The following TMEM117 variants were observed in gnomAD, a reference collection of about 807,000 sequenced individuals.
TMEM117 encodes transmembrane protein 117.
TMEM117 carries 27 observed loss-of-function variants against 52.4 expected under a neutral mutation model. That is an observed-to-expected ratio of 0.51 (90% CI 0.38 to 0.71). The LOEUF is 0.71. Among genes scored for constraint, TMEM117 ranks in the 30% least tolerant of loss-of-function variants. The probability of loss-of-function intolerance (pLI) is 0.00; values close to 1 mark genes in which losing one functional copy is unlikely to be tolerated. For synonymous variants in TMEM117, 215 were observed against 206.3 expected, an observed-to-expected ratio of 1.04 and a Z score of -0.36; for missense variants, 556 against 630.5, an observed-to-expected ratio of 0.88 and a Z score of 1.26.
intron 3 of TMEM117, among the ~76,000 whole-genome samples, chr12:44,034,584 A>C (rs1946682777): frequency 6.6e-6 from 1 of 152,238 alleles, no homozygotes; most frequent in Admixed American, 6.5e-5. Context: ...TTTAGATTGC[A>C]GTCTTGAATT....
intron 4 of TMEM117, among the ~76,000 whole-genome samples, chr12:44,145,781 C>A (rs554729984): frequency 3.3e-5 from 5 of 152,160 alleles, no homozygotes; most frequent in Admixed American, 3.3e-4. Flanking sequence ...TGGTACATTG[C>A]TTCCTGACTT....
intron 3 of TMEM117, among the ~76,000 whole-genome samples, chr12:44,136,603 T>C (rs1948494318): frequency 1.3e-5 from 2 of 152,172 alleles, no homozygotes; most frequent in South Asian, 4.1e-4. Flanking sequence ...TGTGTTTTAC[T>C]GTGTAGCTCT....
intron 2 of TMEM117, among the ~76,000 whole-genome samples, chr12:43,916,323 T>A (rs914446253): frequency 6.6e-6 from 1 of 152,180 alleles, no homozygotes; most frequent in Non-Finnish European, 1.5e-5. Flanking sequence ...TTAGAAAATG[T>A]AGCAAAGTTC....
intron 3 of TMEM117, among the ~76,000 whole-genome samples, chr12:44,040,978 A>T (rs549597281): frequency 6.6e-6 from 1 of 152,330 alleles, no homozygotes. Flanking sequence ...TGACAGAAGT[A>T]AATGGCAATG....
the TMEM117 span, chr12:43,806,036 G>A: frequency 2.6e-6 from 4 of 1,520,544 alleles, no homozygotes; most frequent in Middle Eastern, 1.8e-4. Context: ...CCGGGCTGGA[G>A]GAGGACGCAG....
chr12:44,286,783 G>A (rs192526182), intron 5 of TMEM117, among the ~76,000 whole-genome samples: 100 of 152,166 alleles, frequency 6.6e-4, no homozygotes, highest in African/African-American at 2.3e-3. Flanking sequence ...CAATTGAGTA[G>A]GCTCTAAAAT....
At chr12:43,930,642 G>A (rs1944856548) in intron 2 of TMEM117, among the ~76,000 whole-genome samples, 1 of 152,148 alleles carries the variant, frequency 6.6e-6, no homozygotes, top group Non-Finnish European at 1.5e-5. Flanking sequence ...AAATACACTT[G>A]CTAGGTACAC....
intron 2 of TMEM117, among the ~76,000 whole-genome samples, chr12:43,861,365 C>T (rs1295349682): frequency 6.6e-6 from 1 of 152,094 alleles, no homozygotes; most frequent in African/African-American, 2.4e-5. Context: ...CTGTTATAAC[C>T]CCAGCCATGA....
At chr12:43,921,689 A>G (rs10748380) in intron 2 of TMEM117, among the ~76,000 whole-genome samples, 26,256 of 152,020 alleles carry the variant, frequency 0.17, 3,469 homozygotes, top group African/African-American at 0.36. Flanking sequence ...TTTTAATGCT[A>G]TTTACCTTTT....
intron 4 of TMEM117, among the ~76,000 whole-genome samples, chr12:44,193,785 G>A (rs1949385160): frequency 1.3e-5 from 2 of 152,220 alleles, no homozygotes; most frequent in Admixed American, 1.3e-4. Flanking sequence ...ATTTATTTTG[G>A]AGAGATCCCA....
chr12:43,879,829 G>C (rs201673855), intron 2 of TMEM117, among the ~76,000 whole-genome samples: 3 of 152,230 alleles, frequency 2.0e-5, no homozygotes, highest in South Asian at 4.1e-4. Context: ...GAGTGTACTC[G>C]TAGAAAGAGC....
intron 6 of TMEM117, among the ~76,000 whole-genome samples, chr12:44,326,186 T>C (rs951151026): frequency 1.2e-4 from 18 of 151,006 alleles, no homozygotes; most frequent in Admixed American, 2.6e-4. Flanking sequence ...TTTTTGTTTT[T>C]GTTTTTTGTT....
At chr12:44,003,285 G>A (rs1298114563) in intron 3 of TMEM117, among the ~76,000 whole-genome samples, 1 of 152,202 alleles carries the variant, frequency 6.6e-6, no homozygotes, top group African/African-American at 2.4e-5. Context: ...ATGGGTAGAA[G>A]CCATGTCATT....
chr12:43,970,215 C>T (rs1339820115), intron 3 of TMEM117, among the ~76,000 whole-genome samples: 1 of 152,126 alleles, frequency 6.6e-6, no homozygotes, highest in African/African-American at 2.4e-5. Context: ...TATTTTACTT[C>T]ATAATGACCT....
At chr12:44,304,779 G>A (rs1364432221) in intron 6 of TMEM117, among the ~76,000 whole-genome samples, 2 of 152,196 alleles carry the variant, frequency 1.3e-5, no homozygotes, top group Non-Finnish European at 1.5e-5. Context: ...ATTGTCTAAA[G>A]GGCCCTTGGG....
At chr12:44,221,919 G>A (rs568651368) in intron 5 of TMEM117, among the ~76,000 whole-genome samples, 5 of 151,932 alleles carry the variant, frequency 3.3e-5, no homozygotes, top group Admixed American at 6.6e-5. Flanking sequence ...GGCTGGTCTC[G>A]AACTCCTGAC....
chr12:44,062,132 A>G (rs570756715), intron 3 of TMEM117, among the ~76,000 whole-genome samples: 102 of 152,322 alleles, frequency 6.7e-4, no homozygotes, highest in African/African-American at 2.3e-3. Context: ...AAAGAAGGCA[A>G]ATGTTTTGGA....
At chr12:44,372,497 A>G (rs867441963) in intron 6 of TMEM117, among the ~76,000 whole-genome samples, 27 of 152,148 alleles carry the variant, frequency 1.8e-4, no homozygotes, top group African/African-American at 6.0e-4. Flanking sequence ...TCTGATTAGA[A>G]GCCAACTATC....
intron 3 of TMEM117, among the ~76,000 whole-genome samples, chr12:43,951,947 C>G (rs1324321974): frequency 6.6e-6 from 1 of 152,202 alleles, no homozygotes; most frequent in Non-Finnish European, 1.5e-5. Flanking sequence ...AAGGAGCAGG[C>G]CGCAATCTTT....
Sources: gnomAD v4.1 joint callset for allele counts (sites outside exome capture counted in the v4.1 genomes callset) on GRCh38, gnomAD v4.1.1 for gene constraint, MANE v1.5 for transcripts, NCBI Gene and HGNC (gene_info 2026-07-23, HGNC 2026-07-21) for gene names.